ZMYND11: variants seen among roughly 807,000 people sequenced by gnomAD.
The protein encoded by ZMYND11 is zinc finger MYND domain-containing protein 11.
In ZMYND11, 9 loss-of-function variants were observed where a neutral mutation model predicts 84.9. That is an observed-to-expected ratio of 0.11 (90% CI 0.06 to 0.18). The LOEUF is 0.18. Among genes scored for constraint, ZMYND11 ranks in the 10% least tolerant of loss-of-function variants. The probability of loss-of-function intolerance (pLI) is 1.00; values close to 1 mark genes in which losing one functional copy is unlikely to be tolerated. For missense variants in ZMYND11, 409 were observed against 761.0 expected (o/e 0.54, Z 5.44); for synonymous variants, 250 against 244.1 (o/e 1.02, Z -0.23).
At chr10:232,683 G>C (rs1949201380) in intron 4 of ZMYND11, among the ~76,000 whole-genome samples, 1 of 152,164 alleles carries the variant, frequency 6.6e-6, no homozygotes, top group South Asian at 2.1e-4. Flanking sequence ...GCAACAAGTA[G>C]ATAAAAGGAA....
rs1370300821 is a variant in ZMYND11 at position 236,888 on chromosome 10, A to T, written c.489A>T (p.Arg163Ser). ...AACAGGAGATGGGCACATACCTCAG[A>T]TTCATTGTCTCCCGCATGAAGGAGA... is the stretch of plus-strand genomic sequence containing the variant. ...TNKQEMGTYLRFIVSRMKERA... is the reference protein window; with the variant it reads ...TNKQEMGTYLSFIVSRMKERA... The change falls in exon 5 of 15, where the codon AGA becomes AGT. Residue 163 changes from arginine (R) to serine (S), a missense_variant. Physicochemically the swap from Arg to Ser is moderately radical, Grantham distance 110. This residue lies in a region of ZMYND11 where 53 missense variants were observed against 71.1 expected (regional missense o/e 0.75). Coordinates refer to ENST00000381604, the MANE Select transcript of ZMYND11 (RefSeq NM_001370100.5). The T allele has an allele frequency of 6.2e-7, 1 of 1,613,802 alleles. No homozygotes were observed. The highest frequency in any genetic ancestry group is 8.5e-7 in the Non-Finnish European group (1 of 1,179,880).
chr10:173,630 G>A (rs1845892926), intron 1 of ZMYND11, among the ~76,000 whole-genome samples: 1 of 152,034 alleles, frequency 6.6e-6, no homozygotes, highest in African/African-American at 2.4e-5. Flanking sequence ...GTCTAAGGAG[G>A]ATCGCTTGAG....
intron 12 of ZMYND11, 135 bp from the exon 13 acceptor site, chr10:248,201 T>C: frequency 8.6e-7 from 1 of 1,159,482 alleles, no homozygotes; most frequent in Non-Finnish European, 1.2e-6. Context: ...TCTACCACCC[T>C]AACTACATTT....
At chr10:179,737 A>G (rs1251507892) in intron 1 of ZMYND11, among the ~76,000 whole-genome samples, 4 of 152,216 alleles carry the variant, frequency 2.6e-5, no homozygotes, top group African/African-American at 9.6e-5. Flanking sequence ...ATTGGTATGA[A>G]GTGACCACTT....
At position 248,502 on chromosome 10, in the gene ZMYND11, G is replaced by A. The variant is rs370171790; in HGVS notation, c.1394G>A (p.Ser465Asn). 5.1e-5 allele frequency: 82 copies of A among 1,614,050 alleles called. No individual in the cohort carries two copies. Among genetic ancestry groups the A allele is most frequent in the Non-Finnish European group, 6.6e-5 (78 of 1,180,048 alleles). ...ACCACAAACGACGGCGTGTGTCAGA[G>A]CATGTGCCATGACAAATACACCAAG... The part of the protein sequence containing the change: ...TQTTNDGVCQ[S>N]MCHDKYTKIF... The change falls in exon 13 of 15, where the codon AGC becomes AAC. Residue 465 changes from serine to asparagine, a missense_variant. Ser to Asn is a conservative substitution (Grantham distance 46, BLOSUM62 1). Transcript: ENST00000381604.
At chr10:197,206 C>T (rs867643653) in intron 2 of ZMYND11, among the ~76,000 whole-genome samples, 77 of 148,202 alleles carry the variant, frequency 5.2e-4, no homozygotes, top group African/African-American at 1.6e-3. Flanking sequence ...TGTGTGCCCA[C>T]GTGCGCATTG....
intron 1 of ZMYND11, among the ~76,000 whole-genome samples, chr10:170,995 C>G (rs1051678908): frequency 6.6e-6 from 1 of 151,958 alleles, no homozygotes; most frequent in South Asian, 2.1e-4. Flanking sequence ...AGCATGGTAA[C>G]ACTAATGAAA....
intron 2 of ZMYND11, among the ~76,000 whole-genome samples, chr10:206,244 C>T (rs1036790707): frequency 1.3e-5 from 2 of 152,084 alleles, no homozygotes; most frequent in Admixed American, 6.5e-5. Flanking sequence ...CCTGTAGTCC[C>T]AGCTACTTGG....
chr10:246,344 C>T (rs1468735956), intron 10 of ZMYND11, among the ~76,000 whole-genome samples: 1 of 152,060 alleles, frequency 6.6e-6, no homozygotes, highest in Admixed American at 6.5e-5. Context: ...TTAGTGCTAA[C>T]GGCAAATAGC....
rs551995303 is a variant in ZMYND11 at position 226,360 on chromosome 10, CTG to C, written c.438+5006_438+5007del. On this transcript the variant is annotated intron_variant, in intron 4 of 14. Transcript: ENST00000381604. ...CAGCAGAATAGCTTTTTAAAAAACTCTGTAGCAAAACAAAGTGTAGATTTTTT... is the reference window on the plus strand; with the variant it reads ...CAGCAGAATAGCTTTTTAAAAAACTCTAGCAAAACAAAGTGTAGATTTTTT... Among the ~76,000 whole-genome samples the C allele has an allele frequency of 3.4e-3, 522 of 152,312 alleles. 3 individuals are homozygous for C. The highest frequency in any genetic ancestry group is 0.012 in the African/African-American group (501 of 41,578).
intron 4 of ZMYND11, among the ~76,000 whole-genome samples, chr10:224,581 A>G (rs1184912209): frequency 6.6e-6 from 1 of 152,206 alleles, no homozygotes; most frequent in African/African-American, 2.4e-5. Flanking sequence ...ATAAGAAAAA[A>G]TTCCCAGAAA....
At chr10:168,435 G>A (rs1844520151) in intron 1 of ZMYND11, among the ~76,000 whole-genome samples, 1 of 152,048 alleles carries the variant, frequency 6.6e-6, no homozygotes, top group Non-Finnish European at 1.5e-5. Context: ...AACATAGTAA[G>A]ACTCTGTCTC....
intron 3 of ZMYND11, among the ~76,000 whole-genome samples, chr10:219,971 G>T (rs1237139325): frequency 6.6e-6 from 1 of 152,078 alleles, no homozygotes; most frequent in Non-Finnish European, 1.5e-5. Flanking sequence ...ATGAATTTTT[G>T]AACATTCATG....
intron 2 of ZMYND11, among the ~76,000 whole-genome samples, chr10:189,583 A>G (rs973951646): frequency 6.6e-6 from 1 of 152,214 alleles, no homozygotes; most frequent in African/African-American, 2.4e-5. Flanking sequence ...ATTGTATACA[A>G]TAATGGCCTT....
chr10:160,219 G>C (rs1053982167), intron 1 of ZMYND11, among the ~76,000 whole-genome samples: 11 of 152,202 alleles, frequency 7.2e-5, no homozygotes, highest in Non-Finnish European at 1.5e-4. Flanking sequence ...AAATTTTTTT[G>C]GCTTCCCAAT....
At chr10:150,744 C>T (rs1840135060) in intron 1 of ZMYND11, among the ~76,000 whole-genome samples, 1 of 152,186 alleles carries the variant, frequency 6.6e-6, no homozygotes, top group Non-Finnish European at 1.5e-5. Context: ...TAGTGGTTCT[C>T]CCAGCACGGA....
intron 4 of ZMYND11, among the ~76,000 whole-genome samples, chr10:229,193 G>A (rs1006388623): frequency 2.0e-5 from 3 of 152,182 alleles, no homozygotes; most frequent in African/African-American, 7.2e-5. Flanking sequence ...TACAGCCACA[G>A]TGGCATTCAG....
At chr10:156,775 A>G (rs547544185) in intron 1 of ZMYND11, among the ~76,000 whole-genome samples, 2 of 152,362 alleles carry the variant, frequency 1.3e-5, no homozygotes, top group Admixed American at 1.3e-4. Context: ...CTGAGTTTTC[A>G]TACATATCCA....
chr10:241,845 C>T (rs943293080), intron 9 of ZMYND11, among the ~76,000 whole-genome samples, 176 bp from the exon 10 acceptor site: 1 of 151,958 alleles, frequency 6.6e-6, no homozygotes, highest in Admixed American at 6.6e-5. Context: ...CATGTTGGCA[C>T]TCTGATGCAA....
Sources: allele counts gnomAD v4.1 joint callset (sites outside exome capture counted in the v4.1 genomes callset), GRCh38; gene constraint gnomAD v4.1.1; regional missense constraint gnomAD v4.1.1; transcripts MANE v1.5; gene names NCBI Gene and HGNC (gene_info 2026-07-23, HGNC 2026-07-21).